The following NDST3 variants were observed in gnomAD, a reference collection of about 807,000 sequenced individuals.
NDST3 encodes the protein bifunctional heparan sulfate N-deacetylase/N-sulfotransferase 3.
NDST3 carries 58 observed loss-of-function variants against 96.1 expected under a neutral mutation model. That is an observed-to-expected ratio of 0.60 (90% CI 0.49 to 0.75). NDST3 has a LOEUF of 0.75. NDST3 is among the 30% of genes least tolerant of loss of function. NDST3 has a pLI of 0.00. For synonymous variants in NDST3, 333 were observed against 359.7 expected, an observed-to-expected ratio of 0.93 and a Z score of 0.84; for missense variants, 788 against 1,034.2, an observed-to-expected ratio of 0.76 and a Z score of 3.27.
At position 118,129,715 on chromosome 4, in the gene NDST3, T is replaced by C. The variant is rs149689563; in HGVS notation, c.1225-8339T>C. ...TATATTAGATTCATTTGTTGTATAG[T>C]GCTGATTAAGTCCAATATTTTTTGT... On this transcript the variant is annotated intron_variant, in intron 4 of 13. Transcript: ENST00000296499. Among the ~76,000 whole-genome samples the C allele has an allele frequency of 6.6e-3, 1,006 of 152,208 alleles. 8 individuals are homozygous for C. The highest frequency in any genetic ancestry group is 0.023 in the African/African-American group (965 of 41,564).
intron 3 of NDST3, 50 bp from the exon 4 acceptor site, chr4:118,114,756 C>T (rs1730925713): frequency 1.3e-6 from 2 of 1,548,424 alleles, no homozygotes; most frequent in Admixed American, 3.4e-5. Flanking sequence ...ATTGATTGAT[C>T]ATAGATCAGT....
intron 2 of NDST3, among the ~76,000 whole-genome samples, chr4:118,060,079 T>C (rs1725771555): frequency 6.6e-6 from 1 of 152,106 alleles, no homozygotes; most frequent in African/African-American, 2.4e-5. Flanking sequence ...CAACACAACC[T>C]TGTTAACTAC....
intron 2 of NDST3, among the ~76,000 whole-genome samples, chr4:118,080,218 C>A (rs1193734035): frequency 2.0e-5 from 3 of 151,948 alleles, no homozygotes; most frequent in Non-Finnish European, 4.4e-5. Flanking sequence ...AGGGTGGGAG[C>A]AAGAATTCTC....
intron 4 of NDST3, among the ~76,000 whole-genome samples, chr4:118,135,770 G>C (rs948996883): frequency 1.3e-5 from 2 of 152,148 alleles, no homozygotes; most frequent in Non-Finnish European, 2.9e-5. Flanking sequence ...TGCATTTGTA[G>C]TCCTAACTAC....
intron 6 of NDST3, among the ~76,000 whole-genome samples, chr4:118,160,005 G>A (rs1734983182): frequency 6.6e-6 from 1 of 152,054 alleles, no homozygotes; most frequent in Non-Finnish European, 1.5e-5. Context: ...CTTATTCGAA[G>A]AAATAATGGC....
chr4:118,041,011 G>GT (rs1478654472), intron 1 of NDST3, among the ~76,000 whole-genome samples: 1 of 151,214 alleles, frequency 6.6e-6, no homozygotes, highest in Admixed American at 6.6e-5. Flanking sequence ...GCCTCCCCTC[G>GT]TGCTGGGATT....
chr4:118,103,882 A>G (rs192853365), intron 2 of NDST3, among the ~76,000 whole-genome samples: 156 of 152,308 alleles, frequency 1.0e-3, no homozygotes, highest in African/African-American at 3.5e-3. Context: ...AAAACTTACC[A>G]TTGGCTAGAT....
At chr4:118,133,359 T>C (rs1732795216) in intron 4 of NDST3, among the ~76,000 whole-genome samples, 1 of 151,924 alleles carries the variant, frequency 6.6e-6, no homozygotes, top group South Asian at 2.1e-4. Context: ...TAGTACTGAG[T>C]TCAATGTAAA....
At chr4:118,171,113 T>A (rs866582054) in intron 6 of NDST3, among the ~76,000 whole-genome samples, 1 of 152,178 alleles carries the variant, frequency 6.6e-6, no homozygotes, top group Non-Finnish European at 1.5e-5. Flanking sequence ...GTTTCAAATA[T>A]CTTCTACTTA....
chr4:118,234,495 T>C (rs1383807945), intron 9 of NDST3, among the ~76,000 whole-genome samples: 3 of 152,198 alleles, frequency 2.0e-5, no homozygotes, highest in East Asian at 3.9e-4. Flanking sequence ...TATATAATTA[T>C]AGAATAAAAT....
At chr4:118,139,443 G>A (rs1356544555) in intron 5 of NDST3, among the ~76,000 whole-genome samples, 1 of 152,152 alleles carries the variant, frequency 6.6e-6, no homozygotes, top group African/African-American at 2.4e-5. Context: ...TTGGCTTGTG[G>A]GCTCTTGGAT....
chr4:118,246,256 T>A (rs1178568976), intron 12 of NDST3, among the ~76,000 whole-genome samples: 1 of 152,318 alleles, frequency 6.6e-6, no homozygotes, highest in East Asian at 1.9e-4. Context: ...ATTTACTGTA[T>A]TAGTCCATTC....
chr4:118,193,705 CCA>C, intron 6 of NDST3: 3 of 1,318,628 alleles, frequency 2.3e-6, no homozygotes, highest in Non-Finnish European at 3.3e-6. Flanking sequence ...GGGCCTCTCC[CCA>C]ATGGAAGAGG....
upstream of NDST3, among the ~76,000 whole-genome samples, chr4:118,033,349 GCACCCCTTTCC>G (rs1245823831): frequency 6.6e-6 from 1 of 152,118 alleles, no homozygotes; most frequent in Non-Finnish European, 1.5e-5. Flanking sequence ...TCGGGGACTC[GCACCCCTTTCC>G]CTGGCCGCAC....
chr4:118,054,101 A>G lies in NDST3; in HGVS notation c.191A>G (p.Glu64Gly). ...CAACACCTACCATATCAACTAATGG[A>G]AGTGAAAGCAATGAAGCTTTTTGAT... ...DLQHLPYQLMEVKAMKLFDAS... is the reference protein window; with the variant it reads ...DLQHLPYQLMGVKAMKLFDAS... The change falls in exon 2 of 14, where the codon GAA becomes GGA. Residue 64 changes from glutamate (E) to glycine (G), a missense_variant. By Grantham distance (98) the Glu-to-Gly change is moderately conservative. This residue lies in a region of NDST3 where 234 missense variants were observed against 256.9 expected (regional missense o/e 0.91). Coordinates refer to ENST00000296499, the MANE Select transcript of NDST3 (RefSeq NM_004784.3). 2 of 1,612,928 alleles carry G rather than the reference A, an allele frequency of 1.2e-6. No individual in the cohort carries two copies. The highest frequency in any genetic ancestry group is 1.7e-6 in the Non-Finnish European group (2 of 1,179,300).
At chr4:118,126,102 C>A (rs1295991198) in intron 4 of NDST3, among the ~76,000 whole-genome samples, 1 of 151,964 alleles carries the variant, frequency 6.6e-6, no homozygotes, top group African/African-American at 2.4e-5. Flanking sequence ...ATCAGTGTCA[C>A]CTTAGGAAAA....
At chr4:118,246,783 T>TA (rs1174700352) in intron 12 of NDST3, among the ~76,000 whole-genome samples, 3 of 152,020 alleles carry the variant, frequency 2.0e-5, no homozygotes, top group Non-Finnish European at 4.4e-5. Context: ...CATCAGATCT[T>TA]ATGAGAACTT....
At chr4:118,251,377 C>T (rs1023072668) in intron 12 of NDST3, among the ~76,000 whole-genome samples, 1 of 151,746 alleles carries the variant, frequency 6.6e-6, no homozygotes, top group African/African-American at 2.4e-5. Context: ...CCGCCTGCCT[C>T]GGCCTTATAA....
At chr4:118,157,509 G>A (rs776281687) in intron 6 of NDST3, among the ~76,000 whole-genome samples, 3 of 148,770 alleles carry the variant, frequency 2.0e-5, no homozygotes, top group African/African-American at 5.0e-5. Context: ...CACTGCCTCC[G>A]CCTCCCAGGT....
Sources: gnomAD v4.1 joint callset for allele counts (sites outside exome capture counted in the v4.1 genomes callset) on GRCh38, gnomAD v4.1.1 for gene constraint, gnomAD v4.1.1 regional missense constraint, MANE v1.5 for transcripts, NCBI Gene and HGNC (gene_info 2026-07-23, HGNC 2026-07-21) for gene names.